MCF2L: variants seen among roughly 807,000 people sequenced by gnomAD.
MCF2L encodes MCF.2 cell line derived transforming sequence like, also known as guanine nucleotide exchange factor DBS.
In MCF2L, 97 loss-of-function variants were observed where a neutral mutation model predicts 153.4. That is an observed-to-expected ratio of 0.63 (90% CI 0.54 to 0.75). The LOEUF (loss-of-function observed/expected upper bound fraction) is 0.75. Ranked by LOEUF, MCF2L falls within the 30% of genes least tolerant of loss-of-function variation. The pLI is 0.00. For synonymous variants in MCF2L, 659 were observed against 632.2 expected (o/e 1.04, Z -0.64); for missense variants, 1,347 against 1,495.2 (o/e 0.90, Z 1.64).
intron 2 of MCF2L, among the ~76,000 whole-genome samples, chr13:112,958,796 G>A (rs1047797956): frequency 4.0e-4 from 61 of 152,230 alleles, no homozygotes; most frequent in Non-Finnish European, 7.3e-4. Flanking sequence ...GCACCTCCTG[G>A]TGGGATTCCA....
chr13:113,080,822 A>G (rs2034060768), intron 15 of MCF2L, among the ~76,000 whole-genome samples: 1 of 152,216 alleles, frequency 6.6e-6, no homozygotes, highest in South Asian at 2.1e-4. Context: ...TTGGCAGAAG[A>G]GACTCGGGTG....
chr13:113,038,237 G>C (rs1328855395), intron 3 of MCF2L, among the ~76,000 whole-genome samples: 1 of 152,100 alleles, frequency 6.6e-6, no homozygotes, highest in Non-Finnish European at 1.5e-5. Flanking sequence ...AGGCCGAGGT[G>C]GGTGGATCAC....
rs1379611391 is a variant in MCF2L at position 112,960,849 on chromosome 13, G to C, written c.170-53914G>C. On this transcript the variant is annotated intron_variant, in intron 2 of 29. Transcript: ENST00000375608. This position sits in a 1 kb window ranked among gnomAD's most constrained non-coding sequence, Gnocchi z 4.2. ...GCCTGAGCCTCCTGCTGCCCTGCTGGAAGGACCCTGGGATGACCCTGGATC... is the reference window on the plus strand; with the variant it reads ...GCCTGAGCCTCCTGCTGCCCTGCTGCAAGGACCCTGGGATGACCCTGGATC... 6.6e-6 allele frequency among the ~76,000 whole-genome samples: 1 copy of C among 151,976 alleles called. No homozygotes were observed. The highest frequency in any genetic ancestry group is 1.5e-5 in the Non-Finnish European group (1 of 67,984).
chr13:112,996,091 C>T (rs2083119382), intron 1 of MCF2L, among the ~76,000 whole-genome samples: 1 of 152,204 alleles, frequency 6.6e-6, no homozygotes, highest in South Asian at 2.1e-4. Context: ...AGCCACCAGA[C>T]TCATGCAGTC....
At position 113,014,612 on chromosome 13, in the gene MCF2L, G is replaced by A. The variant is rs548851579; in HGVS notation, c.80-151G>A. The A allele has an allele frequency of 6.6e-5, 40 of 606,980 alleles. 1 individual carries two copies. Among genetic ancestry groups the A allele is most frequent in the African/African-American group, 5.0e-4 (27 of 54,298 alleles). The allele number at this position is 606,980 out of a possible 1,614,324, so 37.6% of individuals were successfully genotyped here. The stretch of plus-strand genomic sequence containing the variant: ...TGCGCTGAGAAACAAAGGCCTCCAC[G>A]TATTGGAAACTGAAAAGCCTTTTTC... On this transcript the variant is annotated intron_variant, in intron 1 of 29. Coordinates refer to ENST00000535094, the MANE Select transcript of MCF2L (RefSeq NM_001112732.3).
intron 1 of MCF2L, among the ~76,000 whole-genome samples, chr13:112,896,762 T>G (rs902052097): frequency 1.3e-5 from 2 of 152,210 alleles, no homozygotes; most frequent in Non-Finnish European, 2.9e-5. Context: ...GAGACTCTCA[T>G]GTGGCAGGTG....
chr13:113,090,268 G>A (rs941963820), intron 26 of MCF2L: 16 of 1,337,120 alleles, frequency 1.2e-5, no homozygotes, highest in East Asian at 4.1e-5. Context: ...ACGCAAAAGC[G>A]TTTCTTTCCA....
chr13:112,918,693 T>C (rs1487854433), intron 2 of MCF2L, among the ~76,000 whole-genome samples: 2 of 152,218 alleles, frequency 1.3e-5, no homozygotes, highest in African/African-American at 2.4e-5. Flanking sequence ...TTTTGTCTCC[T>C]GGGAGGTGCT....
intron 1 of MCF2L, among the ~76,000 whole-genome samples, chr13:113,004,721 G>A (rs1324046660): frequency 2.6e-5 from 4 of 152,226 alleles, no homozygotes; most frequent in African/African-American, 9.6e-5. Context: ...CTCCCGCAGG[G>A]CCAGTGAGTG....
chr13:112,896,563 C>T (rs1238720986), intron 1 of MCF2L, among the ~76,000 whole-genome samples: 1 of 151,852 alleles, frequency 6.6e-6, no homozygotes, highest in African/African-American at 2.4e-5. Flanking sequence ...ATAGACTGGC[C>T]AGGAACGCCA....
rs115834416 is a variant in MCF2L at position 113,074,590 on chromosome 13, C to T, written c.1116+27C>T. 4,907 of 1,610,122 alleles carry T rather than the reference C, an allele frequency of 3.0e-3. 131 individuals are homozygous for T. The African/African-American group carries it at 0.058, about 19-fold the overall frequency. ...TAAGGCGGGGTCCCGGCGGGGGCGG[C>T]GGGAGAGTGTGGGCAGCATCATCAA... On this transcript the variant is annotated intron_variant, in intron 10 of 29. Coordinates refer to ENST00000535094, the MANE Select transcript of MCF2L (RefSeq NM_001112732.3). The surrounding 1 kb of genome is among the most constrained non-coding windows in gnomAD (Gnocchi z 4.2).
rs763595709 is a variant in MCF2L, at chr13:112,900,798, C to T, written c.-4-1401C>T. ...CTCCATGTGGTGGGGCAGTGGTTCT[C>T]GGGACGGGCCTGCTCTCCAGGGCCG... On this transcript the variant is annotated intron_variant, in intron 1 of 29. Transcript: ENST00000375608. Among the ~76,000 whole-genome samples the T allele has an allele frequency of 4.6e-5, 7 of 152,018 alleles. No individual in the cohort carries two copies. The East Asian group carries it at 5.8e-4, about 13-fold the overall frequency.
At position 113,035,441 on chromosome 13, in the gene MCF2L, C is replaced by T. The variant is rs74680370; in HGVS notation, c.279-9830C>T. 4.1e-3 allele frequency among the ~76,000 whole-genome samples: 619 copies of T among 152,310 alleles called. 5 individuals carry two copies. The highest frequency in any genetic ancestry group is 0.014 in the African/African-American group (601 of 41,562). ...GGAAACCAGGTCCTCTGACCTCACC[C>T]GGCTCTGCAGTCTGTTTTGCCGTTT... On this transcript the variant is annotated intron_variant, in intron 3 of 29. Transcript: ENST00000535094. This position sits in a 1 kb window ranked among gnomAD's most constrained non-coding sequence, Gnocchi z 4.4.
chr13:113,001,697 G>T (rs988657796), intron 1 of MCF2L: 1 of 1,349,326 alleles, frequency 7.4e-7, no homozygotes, highest in Admixed American at 3.7e-5. Context: ...TAAGTGAGCC[G>T]ATGCTGCTCC....
chr13:112,979,576 G>A, intron 1 of MCF2L: 6 of 1,584,940 alleles, frequency 3.8e-6, no homozygotes, highest in Non-Finnish European at 5.1e-6. Context: ...CCCGAAGGCT[G>A]TGGCTCTAGC....
chr13:112,906,601 C>T lies in MCF2L; in HGVS notation c.169+4230C>T, dbSNP rs956620008. 1.1e-4 allele frequency among the ~76,000 whole-genome samples: 16 copies of T among 152,226 alleles called. No individual in the cohort carries two copies. The South Asian group carries it at 2.7e-3, about 26-fold the overall frequency. ...ACCAGTGCCCGCTCTGCCGTGAGTG[C>T]GTGGTCTTGCTTTTCAGTGGTGCGT... On this transcript the variant is annotated intron_variant, in intron 2 of 29. Coordinates refer to the MCF2L transcript ENST00000375608.
chr13:113,004,285 G>A (rs531597561), intron 1 of MCF2L, among the ~76,000 whole-genome samples: 16 of 152,310 alleles, frequency 1.1e-4, no homozygotes, highest in East Asian at 5.8e-4. Flanking sequence ...CCATCTGCCC[G>A]TCAGTGTGCG....
intron 27 of MCF2L, chr13:113,095,058 A>G: frequency 1.5e-6 from 2 of 1,369,638 alleles, no homozygotes; most frequent in Non-Finnish European, 2.0e-6. Flanking sequence ...ATGTCATAGA[A>G]TGCTGTCACT....
At chr13:112,966,126 T>G (rs1242486289), upstream of MCF2L, 1 of 152,258 alleles carries the variant, frequency 6.6e-6, no homozygotes, top group African/African-American at 2.4e-5. This position sits in a 1 kb window ranked among gnomAD's most constrained non-coding sequence, Gnocchi z 4.1. Flanking sequence ...GGCAGGTACC[T>G]GGAGCGCCTA....
Sources: gnomAD v4.1 joint callset for allele counts (sites outside exome capture counted in the v4.1 genomes callset) on GRCh38, gnomAD v4.1.1 for gene constraint, Gnocchi (gnomAD v3.1) non-coding constraint, MANE v1.5 for transcripts, NCBI Gene and HGNC (gene_info 2026-07-23, HGNC 2026-07-21) for gene names.